CDKL2: variants seen among roughly 807,000 people sequenced by gnomAD.
CDKL2 encodes the protein cyclin-dependent kinase-like 2.
In CDKL2, 64 loss-of-function variants were observed where a neutral mutation model predicts 63.9. The observed-to-expected ratio is 1.00, with a 90% CI of 0.82 to 1.23. The LOEUF is 1.23. Among genes scored for constraint, CDKL2 ranks in the 50% most tolerant of loss-of-function variants. CDKL2 has a pLI of 0.00. For missense variants in CDKL2, 656 were observed against 668.0 expected, an observed-to-expected ratio of 0.98 and a Z score of 0.20; for synonymous variants, 211 against 229.2, an observed-to-expected ratio of 0.92 and a Z score of 0.72.
Position 75,592,270 on chromosome 4 carries a change from C to T in CDKL2, c.1417-1G>A. 6.6e-7 allele frequency: 1 copy of T among 1,524,842 alleles called. No individual in the cohort carries two copies. The highest frequency in any genetic ancestry group is 8.7e-7 in the Non-Finnish European group (1 of 1,143,906). 94.5% of individuals were successfully genotyped at this position (1,524,842 alleles called of 1,614,324 possible). On this transcript the variant is annotated splice_acceptor_variant, in intron 10 of 13. Coordinates refer to ENST00000307465, the MANE Select transcript of CDKL2 (RefSeq NM_001330724.2). LOFTEE classifies it high-confidence loss of function. ...AAAAGAGGTTTTTTTCACTAGAGAC[C>T]TAATATCATCAACATAGTCAACAAA...
chr4:75,628,362 G>A (rs941050145), intron 1 of CDKL2, among the ~76,000 whole-genome samples: 5 of 151,982 alleles, frequency 3.3e-5, no homozygotes, highest in Non-Finnish European at 5.9e-5. Context: ...TGATCTGCCC[G>A]CCTCGGCCTC....
chr4:75,581,264 C>A (rs528177113), intron 13 of CDKL2, among the ~76,000 whole-genome samples: 1 of 152,296 alleles, frequency 6.6e-6, no homozygotes, highest in African/African-American at 2.4e-5. Flanking sequence ...TGAATATTTA[C>A]TATTGTGTTA....
At chr4:75,600,213 T>A in intron 7 of CDKL2, 68 bp downstream of exon 7, 2 of 971,604 alleles carry the variant, frequency 2.1e-6, no homozygotes, top group South Asian at 1.4e-5. Context: ...GAAGTGCTAT[T>A]TGTGACTATT....
rs765161895 is a variant in CDKL2, at chr4:75,605,516, C to A, written c.655+6G>T. ...TAAAATTTAAAATGCAGATGTGTAA[C>A]CTTACCTAAACACATCATAATATGA... On this transcript the variant is annotated splice_donor_region_variant and intron_variant, in intron 5 of 13. Coordinates refer to ENST00000307465, the MANE Select transcript of CDKL2 (RefSeq NM_001330724.2). 1 of 1,507,700 alleles carries A rather than the reference C, an allele frequency of 6.6e-7. No individual in the cohort carries two copies. Among genetic ancestry groups the A allele is most frequent in the East Asian group, 2.3e-5 (1 of 44,292 alleles). 93.4% of individuals were successfully genotyped at this position (1,507,700 alleles called of 1,614,324 possible).
chr4:75,624,702 A>T (rs1372753280), intron 2 of CDKL2, among the ~76,000 whole-genome samples: 1 of 151,816 alleles, frequency 6.6e-6, no homozygotes, highest in South Asian at 2.1e-4. Context: ...ACAAAAAAAA[A>T]AAAAAATTAT....
At chr4:75,614,896 A>T (rs563062794) in intron 2 of CDKL2, among the ~76,000 whole-genome samples, 2 of 149,214 alleles carry the variant, frequency 1.3e-5, no homozygotes, top group African/African-American at 4.9e-5. Context: ...CTTTAATATA[A>T]TGGAAAACTA....
In CDKL2 at chr4:75,581,837, T is replaced by C. The variant is rs149539092; in HGVS notation, c.1709A>G (p.His570Arg). 247 of 1,610,598 alleles carry C rather than the reference T, an allele frequency of 1.5e-4. No homozygotes were observed. The highest frequency in any genetic ancestry group is 2.0e-4 in the Non-Finnish European group (239 of 1,177,454). ...GADLPQMEHQ[H>R] ...AGTTCAGAACCAAAATGGTTCTCAG[T>C]GCTGGTGTTCCATTTGAGGCAAATC... The change falls in exon 13 of 14, where the codon CAC (histidine) becomes CGC (arginine). Residue 570 changes from histidine (H) to arginine (R), a missense_variant. Physicochemically the swap from His to Arg is conservative, Grantham distance 29 (BLOSUM62 0). Coordinates refer to ENST00000307465, the MANE Select transcript of CDKL2 (RefSeq NM_001330724.2).
At chr4:75,597,570 G>A (rs748800121) in intron 8 of CDKL2, among the ~76,000 whole-genome samples, 15 of 152,138 alleles carry the variant, frequency 9.9e-5, no homozygotes, top group Non-Finnish European at 1.8e-4. Context: ...ACACAAAACT[G>A]ATAACTCTTT....
chr4:75,592,059 G>C, intron 11 of CDKL2, 87 bp downstream of exon 11: 1 of 1,355,474 alleles, frequency 7.4e-7, no homozygotes, highest in Non-Finnish European at 9.8e-7. Flanking sequence ...TGTAAAGTTA[G>C]TATGAATTTT....
chr4:75,614,205 A>T (rs182494729), intron 3 of CDKL2, 50 bp downstream of exon 3: 760 of 1,184,384 alleles, frequency 6.4e-4, no homozygotes, highest in Admixed American at 9.7e-4. Flanking sequence ...AGATTAAAGG[A>T]TTAATGAATA....
intron 2 of CDKL2, among the ~76,000 whole-genome samples, chr4:75,622,715 C>CAA (rs1171964321): frequency 0.099 from 1,382 of 13,974 alleles, 501 homozygotes; most frequent in South Asian, 0.14. Flanking sequence ...AAGACTCCAT[C>CAA]AAAAAAAAAA....
At chr4:75,617,267 C>T (rs1023946828) in intron 2 of CDKL2, among the ~76,000 whole-genome samples, 3 of 151,776 alleles carry the variant, frequency 2.0e-5, no homozygotes, top group South Asian at 2.1e-4. Context: ...GTAAAAGAAG[C>T]GTTGCCAAGA....
chr4:75,599,363 A>G (rs1729077133), intron 7 of CDKL2, among the ~76,000 whole-genome samples: 1 of 152,032 alleles, frequency 6.6e-6, no homozygotes, highest in African/African-American at 2.4e-5. Flanking sequence ...GGAGTTCAAG[A>G]CCAGCCTGAC....
intron 10 of CDKL2, among the ~76,000 whole-genome samples, chr4:75,595,560 A>ATTTATCT (rs1328174703): frequency 6.6e-6 from 1 of 152,080 alleles, no homozygotes; most frequent in Non-Finnish European, 1.5e-5. Flanking sequence ...AGATAAGACA[A>ATTTATCT]TTTATCTTTT....
At chr4:75,590,142 G>T (rs1728653996) in intron 12 of CDKL2, among the ~76,000 whole-genome samples, 1 of 152,124 alleles carries the variant, frequency 6.6e-6, no homozygotes, top group African/African-American at 2.4e-5. Flanking sequence ...ACTCCAGCCT[G>T]GATGACACAG....
chr4:75,599,827 A>T (rs1321494631), intron 7 of CDKL2, among the ~76,000 whole-genome samples: 1 of 152,200 alleles, frequency 6.6e-6, no homozygotes. Flanking sequence ...AGCACAGAAG[A>T]CCATGCCAGC....
At chr4:75,617,453 C>T (rs1729978039) in intron 2 of CDKL2, among the ~76,000 whole-genome samples, 1 of 152,028 alleles carries the variant, frequency 6.6e-6, no homozygotes, top group South Asian at 2.1e-4. Flanking sequence ...AGGAACTTGT[C>T]CAAGGTCACA....
chr4:75,591,765 G>T, intron 12 of CDKL2, 54 bp downstream of exon 12: 1 of 1,138,208 alleles, frequency 8.8e-7, no homozygotes, highest in Non-Finnish European at 1.2e-6. Context: ...TACTTTACTA[G>T]TAAGTAAGAG....
At chr4:75,590,162 G>A (rs906018696) in intron 12 of CDKL2, among the ~76,000 whole-genome samples, 1 of 152,016 alleles carries the variant, frequency 6.6e-6, no homozygotes, top group African/African-American at 2.4e-5. Flanking sequence ...GCAAAACCCT[G>A]TCTCAAAAAA....
Sources: gnomAD v4.1 joint callset for allele counts (sites outside exome capture counted in the v4.1 genomes callset) on GRCh38, gnomAD v4.1.1 for gene constraint, MANE v1.5 for transcripts, NCBI Gene and HGNC (gene_info 2026-07-23, HGNC 2026-07-21) for gene names.